The following MEF2A variants were observed in gnomAD, a reference collection of about 807,000 sequenced individuals.
The protein encoded by MEF2A is myocyte-specific enhancer factor 2A.
A neutral mutation model predicts 55.8 loss-of-function variants in MEF2A; 28 were observed. That is an observed-to-expected ratio of 0.50 (90% CI 0.37 to 0.69). The LOEUF (loss-of-function observed/expected upper bound fraction) is 0.69, where lower values mean the gene tolerates loss of function less well. MEF2A is among the 30% of genes least tolerant of loss of function. The pLI is 0.00. For synonymous variants in MEF2A, 239 were observed against 227.1 expected, an observed-to-expected ratio of 1.05 and a Z score of -0.47; for missense variants, 528 against 626.2, an observed-to-expected ratio of 0.84 and a Z score of 1.67.
At chr15:99,639,224 C>T (rs2044447016) in intron 3 of MEF2A, among the ~76,000 whole-genome samples, 1 of 152,072 alleles carries the variant, frequency 6.6e-6, no homozygotes, top group South Asian at 2.1e-4. Context: ...TAGAGATTTA[C>T]TGTCCTCTTT....
chr15:99,671,655 G>T, intron 5 of MEF2A: 1 of 1,576,616 alleles, frequency 6.3e-7, no homozygotes, highest in Non-Finnish European at 8.6e-7. Context: ...TCATAAAATC[G>T]CAGTGAGTAC....
chr15:99,597,647 A>T lies in MEF2A; in HGVS notation c.-224-783A>T, dbSNP rs145197070. ...TCCCCTTTTGAAACTCCCTAATAAA[A>T]ACTTGCTGGTTTTTGTGGCTTGGGG... On this transcript the variant is annotated intron_variant, in intron 1 of 11. Transcript: ENST00000557942. Among the ~76,000 whole-genome samples, 823 of 152,084 alleles carry T rather than the reference A, an allele frequency of 5.4e-3. 7 individuals are homozygous for T. Among genetic ancestry groups the T allele is most frequent in the African/African-American group, 0.018 (736 of 41,474 alleles).
chr15:99,710,159 C>T (rs2058472635), intron 10 of MEF2A, among the ~76,000 whole-genome samples: 1 of 152,216 alleles, frequency 6.6e-6, no homozygotes, highest in South Asian at 2.1e-4. Context: ...TCCTGTAAAT[C>T]TTCCAAGAAA....
chr15:99,567,559 C>T (rs1960204935), intron 1 of MEF2A, among the ~76,000 whole-genome samples: 1 of 151,302 alleles, frequency 6.6e-6, no homozygotes, highest in Non-Finnish European at 1.5e-5. Flanking sequence ...AATGACATTT[C>T]TTTTAATATG....
intron 7 of MEF2A, among the ~76,000 whole-genome samples, chr15:99,676,805 G>C (rs1357894263): frequency 6.6e-6 from 1 of 151,922 alleles, no homozygotes; most frequent in Non-Finnish European, 1.5e-5. Flanking sequence ...CTCCCGACCT[G>C]GTGATCTGCC....
At chr15:99,579,221 G>A (rs1965216951) in intron 1 of MEF2A, among the ~76,000 whole-genome samples, 1 of 150,872 alleles carries the variant, frequency 6.6e-6, no homozygotes, top group African/African-American at 2.4e-5. Context: ...CTGATTCACG[G>A]TAGTTTTCAT....
intron 1 of MEF2A, among the ~76,000 whole-genome samples, chr15:99,568,527 T>C (rs1387669383): frequency 6.6e-6 from 1 of 152,234 alleles, no homozygotes; most frequent in African/African-American, 2.4e-5. Context: ...AATATTGAAT[T>C]ATATTCTGAG....
chr15:99,656,599 G>C (rs1293270676), intron 4 of MEF2A, among the ~76,000 whole-genome samples: 2 of 152,122 alleles, frequency 1.3e-5, no homozygotes, highest in Non-Finnish European at 2.9e-5. Context: ...ATAACTTCAT[G>C]ATTGGAGTAT....
At chr15:99,691,027 G>T (rs1352577980) in intron 8 of MEF2A, among the ~76,000 whole-genome samples, 1 of 151,342 alleles carries the variant, frequency 6.6e-6, no homozygotes, top group Non-Finnish European at 1.5e-5. Context: ...CCCTGACCTG[G>T]ATCATTACGC....
intron 4 of MEF2A, among the ~76,000 whole-genome samples, chr15:99,664,596 G>C (rs1441761928): frequency 6.6e-6 from 1 of 152,138 alleles, no homozygotes. Flanking sequence ...ACATAAGATA[G>C]TGCAGGCTTG....
chr15:99,714,816 C>CA lies in MEF2A; in HGVS notation c.*2045_*2046insA, dbSNP rs2059003254. ...CATTTTGTTCCCCCCCCCCCACCCC[C>CA]CCCCCAAATTACGTTCCTTTTGACA... On this transcript the variant is annotated 3_prime_UTR_variant, in exon 12 of 12. Transcript: ENST00000557942. 2.4e-5 allele frequency: 3 copies of CA among 123,816 alleles called. No homozygotes were observed. Among genetic ancestry groups the CA allele is most frequent in the Non-Finnish European group, 4.9e-5 (3 of 61,406 alleles). The allele number at this position is 123,816 out of a possible 1,614,324, so 7.7% of individuals were successfully genotyped here.
At chr15:99,574,131 C>T (rs966011968) in intron 1 of MEF2A, among the ~76,000 whole-genome samples, 2 of 151,922 alleles carry the variant, frequency 1.3e-5, no homozygotes, top group African/African-American at 2.4e-5. Context: ...TTATATCTGC[C>T]GCAGATTCAC....
At chr15:99,697,089 G>T (rs2056593328) in intron 8 of MEF2A, among the ~76,000 whole-genome samples, 2 of 151,780 alleles carry the variant, frequency 1.3e-5, no homozygotes, top group Admixed American at 6.6e-5. Context: ...GTAATAGAAA[G>T]GAACTTAATA....
intron 1 of MEF2A, among the ~76,000 whole-genome samples, chr15:99,580,974 G>A (rs1334106899): frequency 6.6e-6 from 1 of 151,930 alleles, no homozygotes; most frequent in African/African-American, 2.4e-5. Flanking sequence ...TTAGTAAGAT[G>A]GCACTAAATC....
chr15:99,630,003 G>A lies in MEF2A; in HGVS notation c.-142-2975G>A, dbSNP rs115263172. Among the ~76,000 whole-genome samples the A allele has an allele frequency of 6.8e-3, 666 of 98,190 alleles. 4 individuals carry two copies. Among genetic ancestry groups the A allele is most frequent in the African/African-American group, 0.026 (611 of 23,772 alleles). The allele number at this position is 98,190 out of a possible 152,430, so 64.4% of individuals were successfully genotyped here. On this transcript the variant is annotated intron_variant, in intron 2 of 11. Coordinates refer to ENST00000557942, the MANE Select transcript of MEF2A (RefSeq NM_001319206.4). ...TTCTCCCTCCCCCACTCTTGCCCCC[G>A]TCCCTCTCTTCTCCCTCCCCTCTTT...
At chr15:99,593,795 G>C (rs183098193) in intron 1 of MEF2A, among the ~76,000 whole-genome samples, 1 of 152,126 alleles carries the variant, frequency 6.6e-6, no homozygotes, top group East Asian at 1.9e-4. Flanking sequence ...GTTGTACCGT[G>C]GTATAAAACA....
intron 4 of MEF2A, among the ~76,000 whole-genome samples, chr15:99,661,413 G>GTTT (rs201573554): frequency 7.7e-6 from 1 of 129,604 alleles, no homozygotes; most frequent in Non-Finnish European, 1.6e-5. Context: ...AAAGATAAGC[G>GTTT]TTTTTTTTTT....
intron 2 of MEF2A, among the ~76,000 whole-genome samples, chr15:99,620,336 C>A (rs900566093): frequency 3.9e-5 from 6 of 152,146 alleles, no homozygotes; most frequent in African/African-American, 1.4e-4. Flanking sequence ...TCTTTACCCA[C>A]CTCTTACGCT....
At chr15:99,643,717 G>A (rs1161479937) in intron 3 of MEF2A, among the ~76,000 whole-genome samples, 4 of 151,134 alleles carry the variant, frequency 2.6e-5, no homozygotes, top group African/African-American at 4.9e-5. Flanking sequence ...TCAGCCTGCC[G>A]AGTAGGTGGG....
Sources: allele counts gnomAD v4.1 joint callset (sites outside exome capture counted in the v4.1 genomes callset), GRCh38; gene constraint gnomAD v4.1.1; transcripts MANE v1.5; gene names NCBI Gene and HGNC (gene_info 2026-07-23, HGNC 2026-07-21).